NEK1: variants seen among roughly 807,000 people sequenced by gnomAD.
NEK1 encodes the protein serine/threonine-protein kinase Nek1.
A neutral mutation model predicts 182.1 loss-of-function variants in NEK1; 137 were observed. The ratio of observed to expected loss-of-function variants is 0.75; its 90% CI spans 0.65 to 0.87. NEK1 has a LOEUF of 0.87. Ranked by LOEUF, NEK1 falls within the 40% of genes least tolerant of loss-of-function variation. NEK1 has a pLI of 0.00. For synonymous variants in NEK1, 513 were observed against 492.2 expected, an observed-to-expected ratio of 1.04 and a Z score of -0.56; for missense variants, 1,391 against 1,494.4, an observed-to-expected ratio of 0.93 and a Z score of 1.14.
intron 21 of NEK1, 27 bp downstream of exon 21, chr4:169,508,221 C>A: frequency 6.5e-7 from 1 of 1,550,248 alleles, no homozygotes; most frequent in African/African-American, 1.4e-5. Context: ...CATTCAATTT[C>A]TTCAAAAAAA....
chr4:169,500,445 C>G (rs1259811785), intron 23 of NEK1, among the ~76,000 whole-genome samples: 1 of 152,200 alleles, frequency 6.6e-6, no homozygotes, highest in African/African-American at 2.4e-5. Flanking sequence ...GAGACGAACC[C>G]AGTACCTCAG....
intron 26 of NEK1, among the ~76,000 whole-genome samples, chr4:169,472,228 T>C (rs1188765990): frequency 1.3e-5 from 2 of 151,718 alleles, no homozygotes; most frequent in Admixed American, 1.3e-4. Context: ...CAAACGGCCA[T>C]CCAGTTTTAT....
At chr4:169,488,410 G>A (rs1359967712) in intron 23 of NEK1, among the ~76,000 whole-genome samples, 1 of 152,076 alleles carries the variant, frequency 6.6e-6, no homozygotes, top group East Asian at 1.9e-4. Flanking sequence ...AGTTCTCCCA[G>A]CACCATTTAT....
At chr4:169,529,619 T>G (rs549598088) in intron 19 of NEK1, among the ~76,000 whole-genome samples, 3 of 152,316 alleles carry the variant, frequency 2.0e-5, no homozygotes, top group Admixed American at 6.5e-5. Context: ...CAAAAGATTC[T>G]GTTAAGGGAA....
intron 31 of NEK1, among the ~76,000 whole-genome samples, chr4:169,410,999 C>T (rs1424162428): frequency 1.3e-5 from 2 of 152,188 alleles, no homozygotes; most frequent in Non-Finnish European, 2.9e-5. Context: ...AGAGTGTGTG[C>T]GTGCGTATCC....
chr4:169,457,242 G>T (rs1298628191), intron 27 of NEK1, among the ~76,000 whole-genome samples: 16 of 152,014 alleles, frequency 1.1e-4, no homozygotes, highest in Admixed American at 1.0e-3. Flanking sequence ...TACAAAGAAA[G>T]GATAAATGCT....
intron 18 of NEK1, among the ~76,000 whole-genome samples, chr4:169,548,288 G>A (rs866143117): frequency 2.0e-5 from 3 of 152,202 alleles, no homozygotes; most frequent in Admixed American, 1.3e-4. Flanking sequence ...GGGTATCACT[G>A]GCAGAGGCTG....
chr4:169,608,112 CACAT>C (rs932270640), intron 2 of NEK1, among the ~76,000 whole-genome samples: 1 of 101,516 alleles, frequency 9.9e-6, no homozygotes, highest in Non-Finnish European at 2.1e-5. Flanking sequence ...GACACACACA[CACAT>C]ACACACACAC....
At chr4:169,526,395 G>A (rs1756906172) in intron 19 of NEK1, among the ~76,000 whole-genome samples, 1 of 152,126 alleles carries the variant, frequency 6.6e-6, no homozygotes, top group East Asian at 1.9e-4. Context: ...AGGCTGAGGT[G>A]GGAGGATCAC....
Position 169,537,903 on chromosome 4 carries a change from C to G in NEK1, c.1571G>C (p.Gly524Ala). 1 of 1,597,930 alleles carries G rather than the reference C, an allele frequency of 6.3e-7. No individual in the cohort carries two copies. Among genetic ancestry groups the G allele is most frequent in the Non-Finnish European group, 8.5e-7 (1 of 1,171,122 alleles). The change falls in exon 19 of 36, where the codon GGG (glycine) becomes GCG (alanine). Residue 524 changes from glycine (G) to alanine (A), a missense_variant. Coordinates refer to ENST00000507142, the MANE Select transcript of NEK1 (RefSeq NM_001199397.3). The part of the protein sequence containing the change: ...SKQANANRQK[G>A]QLAVERAKQV... ...TTTAGCTCTTTCTACAGCTAGCTGC[C>G]CTTTTTGCCTAATTTGGACAAATCA...
chr4:169,435,760 T>C (rs902685292), intron 28 of NEK1, among the ~76,000 whole-genome samples: 1 of 152,160 alleles, frequency 6.6e-6, no homozygotes, highest in African/African-American at 2.4e-5. Context: ...CCTGCCAATA[T>C]GCCAGGCATG....
intron 30 of NEK1, 143 bp from the exon 31 acceptor site, chr4:169,424,943 A>G (rs749738226): frequency 5.8e-6 from 4 of 686,772 alleles, no homozygotes; most frequent in Non-Finnish European, 6.9e-6. Context: ...GTGTGTCAGT[A>G]TATTACCTTC....
intron 12 of NEK1, among the ~76,000 whole-genome samples, chr4:169,566,645 G>C (rs1329221686): frequency 1.3e-5 from 2 of 152,162 alleles, no homozygotes; most frequent in African/African-American, 2.4e-5. Context: ...ATGCACATTA[G>C]CTTAAATTTG....
At chr4:169,410,112 A>G (rs1161659140) in intron 31 of NEK1, among the ~76,000 whole-genome samples, 6 of 152,136 alleles carry the variant, frequency 3.9e-5, no homozygotes, top group Admixed American at 1.3e-4. Flanking sequence ...ACAATATTCT[A>G]TAGTTTTAAT....
chr4:169,440,084 A>T (rs1441359652), intron 27 of NEK1, among the ~76,000 whole-genome samples: 8 of 151,500 alleles, frequency 5.3e-5, no homozygotes, highest in Non-Finnish European at 1.2e-4. Flanking sequence ...CTGACCTGAA[A>T]TGACCTGCCT....
intron 27 of NEK1, among the ~76,000 whole-genome samples, chr4:169,439,566 T>C (rs1490310597): frequency 6.6e-6 from 1 of 152,204 alleles, no homozygotes; most frequent in African/African-American, 2.4e-5. Context: ...AATAAAATCA[T>C]GTCTATTAAC....
intron 23 of NEK1, among the ~76,000 whole-genome samples, chr4:169,501,958 T>C (rs1752497658): frequency 6.6e-6 from 1 of 151,772 alleles, no homozygotes; most frequent in Admixed American, 6.6e-5. Context: ...AAAGAAAAGT[T>C]GGTTCTTCAA....
In NEK1 at chr4:169,494,485, T is replaced by C. The variant is rs148273770; in HGVS notation, c.2007+12552A>G. On this transcript the variant is annotated intron_variant, in intron 23 of 35. Transcript: ENST00000507142. The stretch of plus-strand genomic sequence containing the variant: ...GTGTATATGTGCCACATATTCTTAA[T>C]TCAGTCTATCATTGTTGGACATCTG... 5.9e-5 allele frequency among the ~76,000 whole-genome samples: 9 copies of C among 152,344 alleles called. No homozygotes were observed. The East Asian group carries it at 1.7e-3, about 29-fold the overall frequency.
rs574937115 is a variant in NEK1, at chr4:169,526,485, C to T, written c.1665+11324G>A. On this transcript the variant is annotated intron_variant, in intron 19 of 35. Coordinates refer to ENST00000507142, the MANE Select transcript of NEK1 (RefSeq NM_001199397.3). ...TAACCTGGGTGACAGAGGGAAACCC[C>T]GTCTCTAAAAAAAACAAAAATAAAA... Among the ~76,000 whole-genome samples, 56 of 152,024 alleles carry T rather than the reference C, an allele frequency of 3.7e-4. 1 individual carries two copies. In the South Asian group the frequency reaches 8.1e-3, roughly 22 times the overall value.
Sources: gnomAD v4.1 joint callset for allele counts (sites outside exome capture counted in the v4.1 genomes callset) on GRCh38, gnomAD v4.1.1 for gene constraint, MANE v1.5 for transcripts, NCBI Gene and HGNC (gene_info 2026-07-23, HGNC 2026-07-21) for gene names.